Variants in DTWD2 observed in about 807,000 individuals in gnomAD.
DTWD2 encodes the protein DTW motif tRNA-uridine aminocarboxypropyltransferase 2.
A neutral mutation model predicts 31.8 loss-of-function variants in DTWD2; 39 were observed. The ratio of observed to expected loss-of-function variants is 1.22; its 90% CI spans 0.95 to 1.60. The LOEUF (loss-of-function observed/expected upper bound fraction) is 1.60. Among genes scored for constraint, DTWD2 ranks in the 40% most tolerant of loss-of-function variants. The probability of loss-of-function intolerance (pLI) is 0.00; values close to 1 mark genes in which losing one functional copy is unlikely to be tolerated. For missense variants in DTWD2, 515 were observed against 381.5 expected, an observed-to-expected ratio of 1.35 and a Z score of -2.92; for synonymous variants, 180 against 142.8, an observed-to-expected ratio of 1.26 and a Z score of -1.86.
rs373221978 is a variant in DTWD2, at chr5:118,836,724, C to G, written c.*4193G>C. Among the ~76,000 whole-genome samples the G allele has an allele frequency of 6.0e-4, 91 of 152,256 alleles. No homozygotes were observed. Among genetic ancestry groups the G allele is most frequent in the African/African-American group, 2.1e-3 (87 of 41,550 alleles). On this transcript the variant is annotated 3_prime_UTR_variant, in exon 6 of 6. Coordinates refer to ENST00000510708, the MANE Select transcript of DTWD2 (RefSeq NM_173666.4). ...GGGGATGATTAGGTCATAAGGGTCT[C>G]AGAGAGCTAGCTCGACCCTTCCACT...
chr5:118,860,773 C>A (rs1353118717), intron 4 of DTWD2, among the ~76,000 whole-genome samples: 2 of 152,136 alleles, frequency 1.3e-5, no homozygotes, highest in Non-Finnish European at 2.9e-5. Context: ...GTTGAGCCTC[C>A]TTGCCATATA....
intron 4 of DTWD2, among the ~76,000 whole-genome samples, chr5:118,919,541 T>G (rs1421854908): frequency 1.3e-5 from 2 of 152,224 alleles, no homozygotes; most frequent in Admixed American, 1.3e-4. Flanking sequence ...GGGCCAAGTG[T>G]TCTATGCTCA....
At chr5:118,910,403 C>A (rs989689453) in intron 4 of DTWD2, among the ~76,000 whole-genome samples, 1 of 152,186 alleles carries the variant, frequency 6.6e-6, no homozygotes, top group African/African-American at 2.4e-5. Flanking sequence ...CCTCTCATTT[C>A]CAATAAAATC....
intron 4 of DTWD2, among the ~76,000 whole-genome samples, chr5:118,870,748 A>C (rs1752483261): frequency 6.6e-6 from 1 of 151,984 alleles, no homozygotes; most frequent in African/African-American, 2.4e-5. Flanking sequence ...GACAATAATG[A>C]AGTTTGCTGC....
intron 4 of DTWD2, among the ~76,000 whole-genome samples, chr5:118,919,203 T>C (rs576079978): frequency 1.3e-5 from 2 of 152,216 alleles, no homozygotes; most frequent in South Asian, 2.1e-4. Flanking sequence ...GCAGATGTCA[T>C]CATCTGCTGG....
At chr5:118,945,780 A>C (rs961146192) in intron 1 of DTWD2, among the ~76,000 whole-genome samples, 2 of 110,016 alleles carry the variant, frequency 1.8e-5, no homozygotes, top group Non-Finnish European at 3.3e-5. Flanking sequence ...AAAAAAAAGA[A>C]AGAAAGAAAG....
At chr5:118,972,269 A>G (rs1755004444) in intron 1 of DTWD2, among the ~76,000 whole-genome samples, 1 of 152,228 alleles carries the variant, frequency 6.6e-6, no homozygotes, top group Non-Finnish European at 1.5e-5. Flanking sequence ...CATAGACACA[A>G]TCAGAAATGA....
At chr5:118,984,604 A>G (rs763736699) in intron 1 of DTWD2, among the ~76,000 whole-genome samples, 1 of 152,236 alleles carries the variant, frequency 6.6e-6, no homozygotes, top group Admixed American at 6.5e-5. Flanking sequence ...GATATGGTGT[A>G]TTATAATTCT....
chr5:118,973,831 C>T, intron 1 of DTWD2: 1 of 1,612,462 alleles, frequency 6.2e-7, no homozygotes, highest in Non-Finnish European at 8.5e-7. Context: ...GCTCCGAAAT[C>T]ACCACCAAGG....
intron 1 of DTWD2, among the ~76,000 whole-genome samples, chr5:118,973,223 G>A (rs1451253101): frequency 6.6e-6 from 1 of 152,028 alleles, no homozygotes; most frequent in African/African-American, 2.4e-5. Context: ...GCCAGTCTGT[G>A]TCTTTTAATT....
rs148445034 is a variant in DTWD2, at chr5:118,969,520, C to T, written c.218+18774G>A. ...GTTTTGCAGCCTTCACCGGTAATATCTCCAGGTGTGGGAGGACCAAGGAGA... is the reference window on the plus strand; with the variant it reads ...GTTTTGCAGCCTTCACCGGTAATATTTCCAGGTGTGGGAGGACCAAGGAGA... On this transcript the variant is annotated intron_variant, in intron 1 of 5. Coordinates refer to ENST00000510708, the MANE Select transcript of DTWD2 (RefSeq NM_173666.4). Among the ~76,000 whole-genome samples the T allele has an allele frequency of 1.4e-3, 206 of 152,288 alleles. 1 individual carries two copies. The highest frequency in any genetic ancestry group is 5.2e-3 in the Admixed American group (79 of 15,302).
chr5:118,906,861 A>T (rs1219379959), intron 4 of DTWD2, among the ~76,000 whole-genome samples: 2 of 152,228 alleles, frequency 1.3e-5, no homozygotes, highest in African/African-American at 4.8e-5. Context: ...GTTATAAAAA[A>T]TGGAAAAAGA....
chr5:118,845,872 T>TA (rs752886268), intron 5 of DTWD2, among the ~76,000 whole-genome samples: 1 of 152,202 alleles, frequency 6.6e-6, no homozygotes, highest in Non-Finnish European at 1.5e-5. Context: ...GTTTTTAAGA[T>TA]ATCACATCAC....
In DTWD2 at chr5:118,988,274, GC is replaced by G. The variant is rs1255226665; in HGVS notation, c.218+19del. 6 of 1,525,578 alleles carry G rather than the reference GC, an allele frequency of 3.9e-6. No homozygotes were observed. The highest frequency in any genetic ancestry group is 3.5e-6 in the Non-Finnish European group (4 of 1,141,444). 94.5% of individuals were successfully genotyped at this position (1,525,578 alleles called of 1,614,324 possible). On this transcript the variant is annotated intron_variant, in intron 1 of 5. Transcript: ENST00000510708. The stretch of plus-strand genomic sequence containing the variant: ...AAGGCCGCTGCCGGCTGCAGTCCCC[GC>G]CCCCAGCCCCGCGGTCACCTGCAGC...
intron 1 of DTWD2, among the ~76,000 whole-genome samples, chr5:118,982,673 AAT>A (rs1755328104): frequency 6.6e-6 from 1 of 151,520 alleles, no homozygotes; most frequent in South Asian, 2.1e-4. Context: ...AATTTACCAA[AAT>A]AGTTTGTTTT....
intron 4 of DTWD2, among the ~76,000 whole-genome samples, chr5:118,879,245 TATTAGTG>T (rs1297618678): frequency 6.6e-6 from 1 of 152,152 alleles, no homozygotes; most frequent in Non-Finnish European, 1.5e-5. Flanking sequence ...CCTAAATGCC[TATTAGTG>T]ATAGACTGAA....
At chr5:118,881,163 T>A (rs1162549760) in intron 4 of DTWD2, among the ~76,000 whole-genome samples, 4 of 152,206 alleles carry the variant, frequency 2.6e-5, no homozygotes, top group Non-Finnish European at 5.9e-5. Context: ...ATGTTTAAAT[T>A]CATACAGAAA....
At chr5:118,878,905 C>G (rs1752678499) in intron 4 of DTWD2, among the ~76,000 whole-genome samples, 1 of 152,144 alleles carries the variant, frequency 6.6e-6, no homozygotes, top group Admixed American at 6.5e-5. Context: ...TATCACTGAT[C>G]ATTAGAGAAA....
At chr5:118,884,786 C>T (rs1195453726) in intron 4 of DTWD2, among the ~76,000 whole-genome samples, 2 of 150,438 alleles carry the variant, frequency 1.3e-5, no homozygotes, top group Non-Finnish European at 3.0e-5. Flanking sequence ...GCAGGAAGAT[C>T]ACAAGGTTAG....
Sources: gnomAD v4.1 joint callset for allele counts (sites outside exome capture counted in the v4.1 genomes callset) on GRCh38, gnomAD v4.1.1 for gene constraint, MANE v1.5 for transcripts, NCBI Gene and HGNC (gene_info 2026-07-23, HGNC 2026-07-21) for gene names.